CDH7: variants seen among roughly 807,000 people sequenced by gnomAD.
CDH7 encodes cadherin 7, also known as cadherin-7.
In CDH7, 25 loss-of-function variants were observed where a neutral mutation model predicts 71.8. The ratio of observed to expected loss-of-function variants is 0.35; its 90% CI spans 0.25 to 0.49. The LOEUF (loss-of-function observed/expected upper bound fraction) is 0.49, where lower values mean the gene tolerates loss of function less well. Ranked by LOEUF, CDH7 falls within the 20% of genes least tolerant of loss-of-function variation. CDH7 has a pLI of 0.99. For missense variants in CDH7, 862 were observed against 974.6 expected, an observed-to-expected ratio of 0.88 and a Z score of 1.54; for synonymous variants, 381 against 363.8, an observed-to-expected ratio of 1.05 and a Z score of -0.54.
chr18:65,849,369 CTTTTCTTTTCTTTTCT>C (rs1913055814), intron 7 of CDH7, among the ~76,000 whole-genome samples: 1 of 63,794 alleles, frequency 1.6e-5, no homozygotes, highest in African/African-American at 8.4e-5. Flanking sequence ...CTTTTCTTTT[CTTTTCTTTTCTTTTCT>C]TTTCTTTTCT....
At chr18:65,782,358 G>A (rs897342845) in intron 2 of CDH7, among the ~76,000 whole-genome samples, 1 of 151,630 alleles carries the variant, frequency 6.6e-6, no homozygotes, top group African/African-American at 2.4e-5. Context: ...GTAGAGACGG[G>A]GTTTTGCCAA....
At chr18:65,872,205 G>A (rs1365103789) in intron 11 of CDH7, among the ~76,000 whole-genome samples, 2 of 152,070 alleles carry the variant, frequency 1.3e-5, no homozygotes, top group Non-Finnish European at 2.9e-5. Flanking sequence ...GGACACACAT[G>A]CCATGTAAAA....
intron 2 of CDH7, among the ~76,000 whole-genome samples, chr18:65,789,893 A>G (rs1405799685): frequency 6.6e-6 from 1 of 152,044 alleles, no homozygotes; most frequent in Non-Finnish European, 1.5e-5. Context: ...TCTAGGTACA[A>G]TATATAAGAT....
At chr18:65,846,214 C>T (rs1017205046) in intron 7 of CDH7, among the ~76,000 whole-genome samples, 6 of 151,972 alleles carry the variant, frequency 3.9e-5, no homozygotes, top group Non-Finnish European at 7.4e-5. Context: ...AAGTGAGCTC[C>T]ACTTCTGTTC....
chr18:65,784,576 C>T (rs1468509768), intron 2 of CDH7, among the ~76,000 whole-genome samples: 1 of 152,112 alleles, frequency 6.6e-6, no homozygotes, highest in Non-Finnish European at 1.5e-5. Context: ...TTAAAATATA[C>T]CATTAGGAGA....
In CDH7 at chr18:65,888,846, T is replaced by G. The variant is rs1459482510; in HGVS notation, c.*7952T>G. ...TTGGGACATTTTGCCCTTTATCTTT[T>G]TATTAAGACTGTCAATAAATGATGG... On this transcript the variant is annotated 3_prime_UTR_variant, in exon 12 of 12. Coordinates refer to ENST00000397968, the MANE Select transcript of CDH7 (RefSeq NM_004361.5). The G allele has an allele frequency of 6.6e-6, 1 of 152,136 alleles. No homozygotes were observed. The highest frequency in any genetic ancestry group is 6.6e-5 in the Admixed American group (1 of 15,250). 9.4% of individuals were successfully genotyped at this position (152,136 alleles called of 1,614,324 possible).
At position 65,886,856 on chromosome 18, in the gene CDH7, C is replaced by T. The variant is rs1055224717; in HGVS notation, c.*5962C>T. On this transcript the variant is annotated 3_prime_UTR_variant, in exon 12 of 12. Coordinates refer to ENST00000397968, the MANE Select transcript of CDH7 (RefSeq NM_004361.5). ...TACAACAGCTCATCTTAATCTCTTA[C>T]GAATGAAGAAACTCTAGGAAACTAA... The T allele has an allele frequency of 1.3e-5, 2 of 152,064 alleles. No homozygotes were observed. Among genetic ancestry groups the T allele is most frequent in the South Asian group, 2.1e-4 (1 of 4,820 alleles). 9.4% of individuals were successfully genotyped at this position (152,064 alleles called of 1,614,324 possible).
At chr18:65,793,736 A>G (rs187709775) in intron 2 of CDH7, among the ~76,000 whole-genome samples, 61 of 152,288 alleles carry the variant, frequency 4.0e-4, no homozygotes, top group Non-Finnish European at 7.3e-4. Flanking sequence ...AGCTGTGAAG[A>G]AAACACATGC....
intron 4 of CDH7, among the ~76,000 whole-genome samples, chr18:65,817,072 A>G (rs1359102207): frequency 1.3e-5 from 2 of 152,170 alleles, no homozygotes; most frequent in Non-Finnish European, 2.9e-5. Context: ...CATCATCAGC[A>G]AATCTTTAAA....
intron 4 of CDH7, among the ~76,000 whole-genome samples, chr18:65,816,765 A>G (rs1367283233): frequency 6.6e-6 from 1 of 152,152 alleles, no homozygotes; most frequent in African/African-American, 2.4e-5. Flanking sequence ...CAGTGTTGAC[A>G]GTTGACTTTA....
Position 65,864,534 on chromosome 18 carries a change from A to G in CDH7, c.1864+1617A>G, listed in dbSNP as rs1402973877. 9.9e-5 allele frequency among the ~76,000 whole-genome samples: 15 copies of G among 152,020 alleles called. No homozygotes were observed. In the East Asian group the frequency reaches 2.9e-3, roughly 29 times the overall value. Reference sequence around the variant, plus strand: ...TTTTGGAATCTAAAACTTAATAAAAAAGATGTAAATTGCATATTTATTTTA... The same window carrying G: ...TTTTGGAATCTAAAACTTAATAAAAGAGATGTAAATTGCATATTTATTTTA... On this transcript the variant is annotated intron_variant, in intron 11 of 11. Transcript: ENST00000397968.
In CDH7 at chr18:65,887,154, C is replaced by T. The variant is rs1333376166; in HGVS notation, c.*6260C>T. 1 of 151,898 alleles carries T rather than the reference C, an allele frequency of 6.6e-6. No individual in the cohort carries two copies. Among genetic ancestry groups the T allele is most frequent in the African/African-American group, 2.4e-5 (1 of 41,358 alleles). 9.4% of individuals were successfully genotyped at this position (151,898 alleles called of 1,614,324 possible). On this transcript the variant is annotated 3_prime_UTR_variant, in exon 12 of 12. Transcript: ENST00000397968. ...AGGAAAAACTTATATGATTCACTAC[C>T]CTACAGCTTCATGTTCTAATTTTGT... is the stretch of plus-strand genomic sequence containing the variant.
chr18:65,782,871 C>G (rs1298957945), intron 2 of CDH7, among the ~76,000 whole-genome samples: 1 of 152,158 alleles, frequency 6.6e-6, no homozygotes, highest in African/African-American at 2.4e-5. Flanking sequence ...CCTAGGAACA[C>G]TGGACAGCAT....
intron 2 of CDH7, among the ~76,000 whole-genome samples, chr18:65,763,533 A>C (rs2143790189): frequency 6.6e-6 from 1 of 151,778 alleles, no homozygotes; most frequent in African/African-American, 2.4e-5. Flanking sequence ...ATTGACCCTA[A>C]TGTTTCTAAA....
At chr18:65,848,868 T>C (rs1913029252) in intron 7 of CDH7, among the ~76,000 whole-genome samples, 1 of 152,206 alleles carries the variant, frequency 6.6e-6, no homozygotes, top group African/African-American at 2.4e-5. Context: ...CCTAGTATTG[T>C]ATATCCTCAC....
chr18:65,823,344 A>T (rs541536366), intron 5 of CDH7, among the ~76,000 whole-genome samples: 1 of 152,078 alleles, frequency 6.6e-6, no homozygotes, highest in South Asian at 2.1e-4. Flanking sequence ...TAGAATTAAA[A>T]AATGTAATAA....
At chr18:65,772,417 A>C (rs544129014) in intron 2 of CDH7, among the ~76,000 whole-genome samples, 1 of 152,294 alleles carries the variant, frequency 6.6e-6, no homozygotes, top group South Asian at 2.1e-4. Flanking sequence ...AGTTTACATA[A>C]ATTTCTCAAC....
intron 2 of CDH7, among the ~76,000 whole-genome samples, chr18:65,779,298 G>T (rs1369042747): frequency 9.9e-6 from 1 of 101,494 alleles, no homozygotes; most frequent in South Asian, 3.5e-4. Flanking sequence ...GTACAGCTGT[G>T]TGAATTTTTT....
At chr18:65,872,222 G>C (rs1913949000) in intron 11 of CDH7, among the ~76,000 whole-genome samples, 1 of 152,158 alleles carries the variant, frequency 6.6e-6, no homozygotes. Flanking sequence ...AAAAAAAAGG[G>C]CCACAAAGTG....
Sources: gnomAD v4.1 joint callset for allele counts (sites outside exome capture counted in the v4.1 genomes callset) on GRCh38, gnomAD v4.1.1 for gene constraint, MANE v1.5 for transcripts, NCBI Gene and HGNC (gene_info 2026-07-23, HGNC 2026-07-21) for gene names.